AK6: variants seen among roughly 807,000 people sequenced by gnomAD.
The protein encoded by AK6 is adenylate kinase 6.
In AK6, 24 loss-of-function variants were observed where a neutral mutation model predicts 23.7. The ratio of observed to expected loss-of-function variants is 1.01; its 90% CI spans 0.73 to 1.43. AK6 has a LOEUF of 1.43. AK6 is among the 40% of genes most tolerant of loss of function. The pLI is 0.00. For synonymous variants in AK6, 73 were observed against 69.8 expected (o/e 1.05, Z -0.23); for missense variants, 191 against 199.1 (o/e 0.96, Z 0.24).
chr5:69,365,333 C>G, intron 2 of AK6: 1 of 1,614,194 alleles, frequency 6.2e-7, no homozygotes. Flanking sequence ...AAGTTGATGC[C>G]TTTTTCTGTA....
In AK6 at chr5:69,352,083, C is replaced by T; in HGVS notation, c.497G>A (p.Trp166Ter). Residue 166 changes from tryptophan (W) to a stop codon, truncating the protein, a stop_gained, in exon 5 of 5, where the codon TGG becomes TAG. Coordinates refer to ENST00000380822, the MANE Select transcript of AK6 (RefSeq NM_016283.5). LOFTEE classifies it high-confidence loss of function. ...VDQILKWIEQ[W>*]IKDHNS ...AAGTCAAGAGTTATGATCTTTGATC[C>T]ACTGCTCAATCCATTTCAAGATCTG... is the stretch of plus-strand genomic sequence containing the variant. 3 of 1,610,572 alleles carry T rather than the reference C, an allele frequency of 1.9e-6. No homozygotes were observed. The highest frequency in any genetic ancestry group is 1.7e-6 in the Non-Finnish European group (2 of 1,178,832).
intron 4 of AK6, among the ~76,000 whole-genome samples, chr5:69,354,299 A>T (rs1762025491): frequency 6.6e-6 from 1 of 152,112 alleles, no homozygotes; most frequent in African/African-American, 2.4e-5. Flanking sequence ...CAAAACTTTT[A>T]ATGGCTTTTC....
intron 2 of AK6, 168 bp from the exon 3 acceptor site, chr5:69,356,121 C>CA (rs1376298847): frequency 5.2e-6 from 1 of 192,430 alleles, no homozygotes. Flanking sequence ...ATAAAGGAGC[C>CA]ATACTAACTG....
chr5:69,363,763 G>A (rs1197805576), intron 2 of AK6, among the ~76,000 whole-genome samples: 2 of 150,988 alleles, frequency 1.3e-5, no homozygotes, highest in East Asian at 1.9e-4. Context: ...CAGTCTGGGC[G>A]ACAGAGGGAG....
chr5:69,364,839 T>C, intron 2 of AK6: 1 of 990,594 alleles, frequency 1.0e-6, no homozygotes, highest in African/African-American at 1.6e-5. Flanking sequence ...TACTCATTAT[T>C]ATTAGTTTTC....
intron 3 of AK6, 25 bp downstream of exon 3, chr5:69,355,868 CAT>C: frequency 1.9e-6 from 3 of 1,602,420 alleles, no homozygotes; most frequent in Non-Finnish European, 2.6e-6. Flanking sequence ...TCAACAAATG[CAT>C]ACTTTATGAA....
intron 2 of AK6, among the ~76,000 whole-genome samples, chr5:69,361,674 G>C (rs1344594174): frequency 6.7e-6 from 1 of 150,016 alleles, no homozygotes; most frequent in African/African-American, 2.5e-5. Context: ...GTGTGATCTC[G>C]GGTCACCGCA....
At chr5:69,352,296 G>A (rs1387049943) in intron 4 of AK6, 43 bp from the exon 5 acceptor site, 1 of 1,482,220 alleles carries the variant, frequency 6.7e-7, no homozygotes, top group Admixed American at 1.9e-5. Context: ...CAAAATAAAT[G>A]GCATTAACTG....
intron 2 of AK6, among the ~76,000 whole-genome samples, chr5:69,360,635 T>C (rs1409237734): frequency 6.6e-6 from 1 of 151,608 alleles, no homozygotes; most frequent in African/African-American, 2.4e-5. Flanking sequence ...GGGAAACAGG[T>C]GGAAGGGGAA....
At chr5:69,357,953 T>C (rs1023653279) in intron 2 of AK6, among the ~76,000 whole-genome samples, 2 of 152,168 alleles carry the variant, frequency 1.3e-5, no homozygotes, top group African/African-American at 4.8e-5. Context: ...AGTTTAAAAA[T>C]ACTATGTAGT....
At chr5:69,352,344 A>G in intron 4 of AK6, 91 bp from the exon 5 acceptor site, 2 of 976,820 alleles carry the variant, frequency 2.0e-6, no homozygotes, top group Non-Finnish European at 1.5e-6. Context: ...ACACTTTTCA[A>G]TACGTGAAAA....
chr5:69,357,394 T>G (rs894879914), intron 2 of AK6, among the ~76,000 whole-genome samples: 1 of 152,236 alleles, frequency 6.6e-6, no homozygotes, highest in African/African-American at 2.4e-5. Flanking sequence ...CCTTACTTTA[T>G]ACCACAAACC....
chr5:69,369,245 C>G (rs1580334316), intron 1 of AK6: 8 of 229,792 alleles, frequency 3.5e-5, no homozygotes, highest in South Asian at 2.5e-4. Flanking sequence ...CGCCCCCCCC[C>G]GGAGCCTCAG....
At position 69,369,493 on chromosome 5, in the gene AK6, TC is replaced by T. The variant is rs1223734603; in HGVS notation, c.-4del. ...AGCAGGATGTTCGGAAGCAACATGGTCCCCGCCGCGACGGCTTCGGGCGCCT... is the reference window on the plus strand; with the variant it reads ...AGCAGGATGTTCGGAAGCAACATGGTCCCGCCGCGACGGCTTCGGGCGCCT... On this transcript the variant is annotated 5_prime_UTR_variant, in exon 1 of 5. Transcript: ENST00000380822. 2.5e-6 allele frequency: 4 copies of T among 1,611,150 alleles called. No homozygotes were observed. The highest frequency in any genetic ancestry group is 1.3e-5 in the African/African-American group (1 of 74,752).
intron 4 of AK6, among the ~76,000 whole-genome samples, chr5:69,353,948 T>TC (rs1331174132): frequency 6.6e-6 from 1 of 150,898 alleles, no homozygotes; most frequent in Non-Finnish European, 1.5e-5. Context: ...TTTTTTATTT[T>TC]TTGTAGAGAC....
chr5:69,356,014 A>G (rs1473648067), intron 2 of AK6, 61 bp from the exon 3 acceptor site: 2 of 1,412,858 alleles, frequency 1.4e-6, no homozygotes, highest in East Asian at 2.3e-5. Flanking sequence ...GTAATTTTCA[A>G]TTAATTCTAG....
intron 2 of AK6, among the ~76,000 whole-genome samples, chr5:69,360,639 A>G (rs1164752916): frequency 1.3e-5 from 2 of 152,168 alleles, no homozygotes; most frequent in African/African-American, 2.4e-5. Flanking sequence ...AACAGGTGGA[A>G]GGGGAAAGAC....
chr5:69,352,372 T>A (rs1761969281), intron 4 of AK6, 119 bp from the exon 5 acceptor site: 1 of 739,670 alleles, frequency 1.4e-6, no homozygotes. Flanking sequence ...AAATGGTCTC[T>A]TCACCTAGAG....
chr5:69,369,607 C>G, upstream of AK6: 1 of 1,583,248 alleles, frequency 6.3e-7, no homozygotes, highest in Non-Finnish European at 8.6e-7. Context: ...CGAAGCCCAC[C>G]GCGGCGCCCC....
Sources: gnomAD v4.1 joint callset for allele counts (sites outside exome capture counted in the v4.1 genomes callset) on GRCh38, gnomAD v4.1.1 for gene constraint, MANE v1.5 for transcripts, NCBI Gene and HGNC (gene_info 2026-07-23, HGNC 2026-07-21) for gene names.